The following TRHDE variants were observed in gnomAD, a reference collection of about 807,000 sequenced individuals.
TRHDE encodes thyrotropin-releasing hormone-degrading ectoenzyme.
Under a neutral mutation model 125.7 loss-of-function variants are expected in TRHDE, and 72 were observed. The ratio of observed to expected loss-of-function variants is 0.57; its 90% CI spans 0.47 to 0.70. The LOEUF (loss-of-function observed/expected upper bound fraction) is 0.70. Among genes scored for constraint, TRHDE ranks in the 30% least tolerant of loss-of-function variants. TRHDE has a pLI of 0.00. For synonymous variants in TRHDE, 509 were observed against 509.1 expected, an observed-to-expected ratio of 1.00 and a Z score of 0.00; for missense variants, 1,110 against 1,327.1, an observed-to-expected ratio of 0.84 and a Z score of 2.54.
intron 3 of TRHDE, among the ~76,000 whole-genome samples, chr12:72,460,945 CA>C (rs2135885061): frequency 6.6e-6 from 1 of 152,142 alleles, no homozygotes; most frequent in East Asian, 1.9e-4. Context: ...TCAAGCAACA[CA>C]TGTAAAGTGT....
intron 3 of TRHDE, among the ~76,000 whole-genome samples, chr12:72,421,183 T>C (rs1592432228): frequency 6.6e-6 from 1 of 152,154 alleles, no homozygotes; most frequent in African/African-American, 2.4e-5. Context: ...GGAAATTTAA[T>C]CCCCCATTAG....
chr12:72,652,800 GA>G (rs1031274180), intron 16 of TRHDE, among the ~76,000 whole-genome samples: 6 of 151,630 alleles, frequency 4.0e-5, no homozygotes, highest in African/African-American at 1.5e-4. Flanking sequence ...CCTTTCACAA[GA>G]TTTTTTTAGA....
chr12:72,199,971 A>G (rs1290074319), intron 2 of TRHDE, among the ~76,000 whole-genome samples: 4 of 152,154 alleles, frequency 2.6e-5, no homozygotes, highest in Admixed American at 2.6e-4. Flanking sequence ...AACTCTTTAG[A>G]GTCCCTTTAG....
intron 3 of TRHDE, among the ~76,000 whole-genome samples, chr12:72,418,079 A>T (rs957034974): frequency 2.6e-5 from 4 of 152,048 alleles, no homozygotes; most frequent in African/African-American, 9.7e-5. Context: ...TACTTTATTA[A>T]TTCTTGCTAT....
At chr12:72,478,130 T>C (rs921612944) in intron 5 of TRHDE, among the ~76,000 whole-genome samples, 2 of 152,210 alleles carry the variant, frequency 1.3e-5, no homozygotes, top group African/African-American at 4.8e-5. Context: ...TCTGAAGTAA[T>C]AAACTAGAAG....
At chr12:72,288,470 C>A (rs1275774593) in intron 2 of TRHDE, among the ~76,000 whole-genome samples, 1 of 152,082 alleles carries the variant, frequency 6.6e-6, no homozygotes, top group East Asian at 1.9e-4. Flanking sequence ...AGGCATTTTA[C>A]TCTTTTGGAT....
chr12:72,136,170 T>C (rs1296929490), intron 2 of TRHDE, among the ~76,000 whole-genome samples: 2 of 152,176 alleles, frequency 1.3e-5, no homozygotes, highest in Non-Finnish European at 2.9e-5. Flanking sequence ...AGCAACTCTG[T>C]GCTATGAGGC....
chr12:72,111,256 C>G (rs574880120), intron 2 of TRHDE, among the ~76,000 whole-genome samples: 1 of 152,218 alleles, frequency 6.6e-6, no homozygotes, highest in South Asian at 2.1e-4. Context: ...ATTTCCTTAT[C>G]CTGATGATGT....
At chr12:72,339,751 C>G (rs561153671) in intron 2 of TRHDE, among the ~76,000 whole-genome samples, 1 of 152,114 alleles carries the variant, frequency 6.6e-6, no homozygotes, top group African/African-American at 2.4e-5. Context: ...AGACACAGCC[C>G]TTGACTATGG....
In TRHDE at chr12:72,543,797, GATTATTATT is replaced by G. The variant is rs57214635; in HGVS notation, c.1788+1468_1788+1476del. 3.9e-3 allele frequency among the ~76,000 whole-genome samples: 555 copies of G among 142,234 alleles called. 3 individuals carry two copies. Among genetic ancestry groups the G allele is most frequent in the African/African-American group, 0.012 (472 of 39,544 alleles). The allele number at this position is 142,234 out of a possible 152,430, so 93.3% of individuals were successfully genotyped here. On this transcript the variant is annotated intron_variant, in intron 7 of 18. Coordinates refer to ENST00000261180, the MANE Select transcript of TRHDE (RefSeq NM_013381.3). ...TTGGAAAGGATTATTATTTGGAAAGGATTATTATTATTATTATTATTATTATTATTATTA... is the reference window on the plus strand; with the variant it reads ...TTGGAAAGGATTATTATTTGGAAAGGATTATTATTATTATTATTATTATTA...
intron 2 of TRHDE, among the ~76,000 whole-genome samples, chr12:72,314,371 A>G (rs1868700261): frequency 1.3e-5 from 2 of 150,466 alleles, no homozygotes; most frequent in Admixed American, 6.6e-5. Flanking sequence ...AAAAGAAAAG[A>G]AACCTTATAA....
chr12:72,497,933 A>T (rs1877988038), intron 5 of TRHDE, among the ~76,000 whole-genome samples: 1 of 151,800 alleles, frequency 6.6e-6, no homozygotes, highest in South Asian at 2.1e-4. Context: ...GTTTGAGAAG[A>T]AATATAGTAT....
intron 13 of TRHDE, 61 bp downstream of exon 13, chr12:72,619,099 A>G (rs1269284515): frequency 3.9e-6 from 5 of 1,282,778 alleles, no homozygotes; most frequent in Non-Finnish European, 4.1e-6. Flanking sequence ...TTCTCTTTCT[A>G]CTATTATATA....
intron 12 of TRHDE, among the ~76,000 whole-genome samples, chr12:72,610,244 G>T (rs1418660885): frequency 2.0e-5 from 3 of 152,082 alleles, no homozygotes. Context: ...AATTTTTTCT[G>T]ATATCTTCAT....
At chr12:72,446,133 G>A (rs973314314) in intron 3 of TRHDE, among the ~76,000 whole-genome samples, 1 of 149,694 alleles carries the variant, frequency 6.7e-6, no homozygotes, top group Admixed American at 6.7e-5. Flanking sequence ...TGATGGGTGG[G>A]GCCCGATTGT....
chr12:72,548,226 ATT>A (rs972591042), intron 7 of TRHDE, among the ~76,000 whole-genome samples: 1 of 151,502 alleles, frequency 6.6e-6, no homozygotes, highest in African/African-American at 2.4e-5. Context: ...TTTTGCCCTC[ATT>A]TTTTTGTCTG....
intron 7 of TRHDE, among the ~76,000 whole-genome samples, chr12:72,552,501 G>T (rs1565787591): frequency 6.6e-6 from 1 of 152,136 alleles, no homozygotes; most frequent in Non-Finnish European, 1.5e-5. Flanking sequence ...AGAAAAGGAG[G>T]AGCCCATGGA....
At chr12:72,354,265 TA>T (rs984432234) in intron 2 of TRHDE, among the ~76,000 whole-genome samples, 4 of 151,328 alleles carry the variant, frequency 2.6e-5, no homozygotes, top group African/African-American at 7.3e-5. Flanking sequence ...TTGTTACATG[TA>T]AAAAAAAGAT....
chr12:72,344,293 A>G (rs1753353169), intron 2 of TRHDE, among the ~76,000 whole-genome samples: 1 of 152,186 alleles, frequency 6.6e-6, no homozygotes, highest in Non-Finnish European at 1.5e-5. Flanking sequence ...AAGGATTAAA[A>G]TGAGATAATC....
Sources: allele counts gnomAD v4.1 joint callset (sites outside exome capture counted in the v4.1 genomes callset), GRCh38; gene constraint gnomAD v4.1.1; transcripts MANE v1.5; gene names NCBI Gene and HGNC (gene_info 2026-07-23, HGNC 2026-07-21).